CENPP: variants seen among roughly 807,000 people sequenced by gnomAD.
CENPP encodes the protein centromere protein P.
In CENPP, 24 loss-of-function variants were observed where a neutral mutation model predicts 35.6. That is an observed-to-expected ratio of 0.67 (90% CI 0.49 to 0.95). The LOEUF is 0.95. CENPP is among the 40% of genes least tolerant of loss of function. The pLI, the probability that CENPP is intolerant of heterozygous loss-of-function variation, is 0.00. For synonymous variants in CENPP, 120 were observed against 125.5 expected (o/e 0.96, Z 0.29); for missense variants, 332 against 345.3 (o/e 0.96, Z 0.31).
At chr9:92,330,109 T>C (rs969933025) in intron 1 of CENPP, among the ~76,000 whole-genome samples, 2 of 152,144 alleles carry the variant, frequency 1.3e-5, no homozygotes, top group African/African-American at 4.8e-5. Flanking sequence ...GAATTAGAAA[T>C]ACAAAAGGAA....
At chr9:92,351,706 C>T (rs531071213) in intron 4 of CENPP, among the ~76,000 whole-genome samples, 3 of 152,182 alleles carry the variant, frequency 2.0e-5, no homozygotes, top group African/African-American at 7.2e-5. Context: ...TCTCTGCTCA[C>T]TGTAACCTCT....
intron 5 of CENPP, among the ~76,000 whole-genome samples, chr9:92,489,827 G>T (rs1846137787): frequency 6.6e-6 from 1 of 152,170 alleles, no homozygotes; most frequent in South Asian, 2.1e-4. Flanking sequence ...CCTCAGGAGA[G>T]CCACGCTGTT....
intron 5 of CENPP, among the ~76,000 whole-genome samples, chr9:92,460,056 CTTTTTT>C (rs869237016): frequency 2.7e-5 from 3 of 109,578 alleles, no homozygotes; most frequent in Admixed American, 9.5e-5. Context: ...AACGGTGGTT[CTTTTTT>C]TTTTTTTTTT....
chr9:92,390,063 G>A, intron 5 of CENPP: 1 of 1,510,068 alleles, frequency 6.6e-7, no homozygotes, highest in Non-Finnish European at 9.0e-7. Flanking sequence ...TTAGCTAGAG[G>A]GAAAAAAATA....
At chr9:92,466,400 G>A in intron 5 of CENPP, 1 of 1,610,522 alleles carries the variant, frequency 6.2e-7, no homozygotes, top group Non-Finnish European at 8.5e-7. Flanking sequence ...GTGTCCTTTT[G>A]TATTTTCTTA....
chr9:92,612,720 T>C, intron 7 of CENPP, 106 bp downstream of exon 7: 1 of 827,778 alleles, frequency 1.2e-6, no homozygotes, highest in Non-Finnish European at 2.0e-6. Flanking sequence ...AAATTGGAAA[T>C]CTCATTAATG....
At chr9:92,443,231 T>A (rs937563376) in intron 5 of CENPP, among the ~76,000 whole-genome samples, 13 of 152,228 alleles carry the variant, frequency 8.5e-5, no homozygotes, top group Non-Finnish European at 1.6e-4. Context: ...CTAATCAGTG[T>A]AATCAGCAGG....
At chr9:92,375,529 C>G (rs1842105501) in intron 4 of CENPP, among the ~76,000 whole-genome samples, 1 of 152,108 alleles carries the variant, frequency 6.6e-6, no homozygotes, top group Admixed American at 6.6e-5. Context: ...AACTCCTGAC[C>G]TTGAGATCCG....
At chr9:92,531,733 C>T (rs1030252818) in intron 5 of CENPP, among the ~76,000 whole-genome samples, 2 of 152,154 alleles carry the variant, frequency 1.3e-5, no homozygotes, top group African/African-American at 2.4e-5. Flanking sequence ...CATTTTCCTT[C>T]GTTCCTTCCT....
At chr9:92,559,712 G>A (rs1456151597) in intron 5 of CENPP, among the ~76,000 whole-genome samples, 2 of 151,858 alleles carry the variant, frequency 1.3e-5, no homozygotes, top group African/African-American at 2.4e-5. Flanking sequence ...TGTTGCCAGG[G>A]CTGGTCTCGA....
At chr9:92,359,409 T>C (rs1436208245) in intron 4 of CENPP, among the ~76,000 whole-genome samples, 3 of 152,164 alleles carry the variant, frequency 2.0e-5, no homozygotes, top group African/African-American at 7.2e-5. Flanking sequence ...TATTTATTTA[T>C]TCATATTTTT....
At position 92,551,983 on chromosome 9, in the gene CENPP, G is replaced by A. The variant is rs376953587; in HGVS notation, c.565-59331G>A. Among the ~76,000 whole-genome samples the A allele has an allele frequency of 4.1e-4, 23 of 56,228 alleles. 2 individuals carry two copies. The highest frequency in any genetic ancestry group is 1.4e-3 in the African/African-American group (8 of 5,884). 36.9% of individuals were successfully genotyped at this position (56,228 alleles called of 152,430 possible). A position where few individuals can be genotyped will look rare whatever the true frequency, so the allele number is the denominator to read the frequency against. On this transcript the variant is annotated intron_variant, in intron 5 of 7. Coordinates refer to ENST00000375587, the MANE Select transcript of CENPP (RefSeq NM_001012267.3). The stretch of plus-strand genomic sequence containing the variant: ...ATATATGTGTGATATATATGTGTGT[G>A]TATATATGTGATATATATGTGTATA...
intron 5 of CENPP, among the ~76,000 whole-genome samples, chr9:92,565,163 T>C (rs1319498043): frequency 6.6e-6 from 1 of 152,060 alleles, no homozygotes; most frequent in Non-Finnish European, 1.5e-5. Context: ...TTTGGAACTC[T>C]GGAGTCTATT....
intron 5 of CENPP, among the ~76,000 whole-genome samples, chr9:92,388,481 T>C (rs1842528610): frequency 6.6e-6 from 1 of 152,074 alleles, no homozygotes; most frequent in Non-Finnish European, 1.5e-5. Flanking sequence ...TTTATAGGTC[T>C]TTAACATGTC....
chr9:92,552,978 T>A (rs2131330758), intron 5 of CENPP, among the ~76,000 whole-genome samples: 1 of 151,718 alleles, frequency 6.6e-6, no homozygotes, highest in East Asian at 1.9e-4. Flanking sequence ...ATTATTTTTC[T>A]TTTTTTTAAG....
At chr9:92,395,320 T>C (rs72752446) in intron 5 of CENPP, among the ~76,000 whole-genome samples, 4,679 of 152,350 alleles carry the variant, frequency 0.031, 113 homozygotes, top group South Asian at 0.083. Flanking sequence ...TGGCTTCTTT[T>C]ACTCAGCATT....
At chr9:92,331,325 C>T (rs1001279807) in intron 1 of CENPP, among the ~76,000 whole-genome samples, 5 of 152,128 alleles carry the variant, frequency 3.3e-5, no homozygotes, top group Admixed American at 6.5e-5. Flanking sequence ...GGACTACAGG[C>T]GCCTGCCACC....
chr9:92,433,648 A>G (rs956771200), intron 5 of CENPP, among the ~76,000 whole-genome samples: 1 of 152,186 alleles, frequency 6.6e-6, no homozygotes, highest in African/African-American at 2.4e-5. Flanking sequence ...AATGTACCCT[A>G]GGCTGGGTGT....
intron 5 of CENPP, among the ~76,000 whole-genome samples, chr9:92,467,774 G>T (rs1845368713): frequency 6.6e-6 from 1 of 152,078 alleles, no homozygotes; most frequent in Admixed American, 6.5e-5. Flanking sequence ...TCACCCTCTG[G>T]AAATTCCAGA....
Sources: gnomAD v4.1 joint callset for allele counts (sites outside exome capture counted in the v4.1 genomes callset) on GRCh38, gnomAD v4.1.1 for gene constraint, MANE v1.5 for transcripts, NCBI Gene and HGNC (gene_info 2026-07-23, HGNC 2026-07-21) for gene names.